RNF213: variants seen among roughly 807,000 people sequenced by gnomAD.
RNF213 encodes the protein E3 ubiquitin-protein ligase RNF213.
In RNF213, 341 loss-of-function variants were observed where a neutral mutation model predicts 514.4. That is an observed-to-expected ratio of 0.66 (90% CI 0.61 to 0.73). RNF213 has a LOEUF of 0.73. Ranked by LOEUF, RNF213 falls within the 30% of genes least tolerant of loss-of-function variation. The pLI is 0.00. For missense variants in RNF213, 5,767 were observed against 6,615.6 expected, an observed-to-expected ratio of 0.87 and a Z score of 4.45; for synonymous variants, 2,655 against 2,658.2, an observed-to-expected ratio of 1.00 and a Z score of 0.04.
intron 21 of RNF213, 175 bp from the exon 22 acceptor site, chr17:80,333,930 T>G: frequency 1.6e-6 from 1 of 637,456 alleles, no homozygotes; most frequent in Non-Finnish European, 2.7e-6. Context: ...GAAACAGCCA[T>G]GGGGGTTTGA....
In RNF213 at chr17:80,358,291, C is replaced by G; in HGVS notation, c.10866C>G (p.His3622Gln). The G allele has an allele frequency of 6.2e-7, 1 of 1,613,838 alleles. No homozygotes were observed. The highest frequency in any genetic ancestry group is 2.2e-5 in the East Asian group (1 of 44,882). ...CCATCTCTCTTCTGTGCTGCAGGCA[C>G]ACCCTCTGGAAGCGGGTCCAAGGTG... ...DALQEAGTFR[H>Q]TLWKRVQGAV... is the part of the protein sequence containing the mutation. Residue 3622 changes from histidine (H) to glutamine (Q), a missense_variant, in exon 37 of 68, where the codon CAC (histidine) becomes CAG (glutamine). Physicochemically the swap from His to Gln is conservative, Grantham distance 24. Coordinates refer to ENST00000582970, the MANE Select transcript of RNF213 (RefSeq NM_001256071.3).
intron 58 of RNF213, among the ~76,000 whole-genome samples, 155 bp from the exon 59 acceptor site, chr17:80,383,522 A>C (rs760555300): frequency 6.6e-6 from 1 of 152,156 alleles, no homozygotes; most frequent in Non-Finnish European, 1.5e-5. Context: ...ACAACACTGA[A>C]ATTAGAAGAT....
intron 18 of RNF213, among the ~76,000 whole-genome samples, chr17:80,325,682 G>A (rs2046260407): frequency 6.6e-6 from 1 of 151,382 alleles, no homozygotes; most frequent in Non-Finnish European, 1.5e-5. Context: ...TTTCCCCCCA[G>A]CCCCCCGCGC....
chr17:80,281,074 A>G (rs1048008157), intron 3 of RNF213, among the ~76,000 whole-genome samples: 2 of 139,090 alleles, frequency 1.4e-5, no homozygotes, highest in Admixed American at 7.2e-5. Flanking sequence ...AGTCACACAC[A>G]CCCCCCGCCA....
Position 80,369,501 on chromosome 17 carries a change from G to A in RNF213, c.12156-1G>A. On this transcript the variant is annotated splice_acceptor_variant, in intron 44 of 67. Coordinates refer to ENST00000582970, the MANE Select transcript of RNF213 (RefSeq NM_001256071.3). LOFTEE classifies it high-confidence loss of function. ...CTGTCTTCTGTTTCTCGTGTTCTAA[G>A]GGAAGCCATTGAAAAGCATGCCCGC... 1 of 1,613,090 alleles carries A rather than the reference G, an allele frequency of 6.2e-7. No homozygotes were observed. The highest frequency in any genetic ancestry group is 1.1e-5 in the South Asian group (1 of 91,028).
At chr17:80,309,837 G>A (rs1250730254) in intron 14 of RNF213, among the ~76,000 whole-genome samples, 1 of 151,226 alleles carries the variant, frequency 6.6e-6, no homozygotes, top group Non-Finnish European at 1.5e-5. Context: ...CTTACTGCAA[G>A]CTCCGCCTCC....
intron 26 of RNF213, among the ~76,000 whole-genome samples, chr17:80,342,536 TTCTCTCTC>T (rs147286130): frequency 2.0e-5 from 3 of 146,954 alleles, no homozygotes; most frequent in Non-Finnish European, 4.5e-5. Flanking sequence ...GACTTAATTT[TTCTCTCTC>T]TCTCTCTCTC....
At chr17:80,266,551 G>C (rs1006855988) in intron 2 of RNF213, among the ~76,000 whole-genome samples, 2 of 152,026 alleles carry the variant, frequency 1.3e-5, no homozygotes, top group East Asian at 3.9e-4. Context: ...ACCCAGGCTG[G>C]AGTGCAGTGG....
intron 2 of RNF213, among the ~76,000 whole-genome samples, chr17:80,266,482 C>G (rs1055702702): frequency 6.6e-6 from 1 of 151,322 alleles, no homozygotes; most frequent in East Asian, 2.0e-4. Flanking sequence ...AGTCTCTTGC[C>G]TCTCACTTTA....
At chr17:80,382,813 T>C (rs1321680412) in intron 57 of RNF213, 166 bp from the exon 58 acceptor site, 1 of 612,556 alleles carries the variant, frequency 1.6e-6, no homozygotes. Context: ...GGTCATTAAG[T>C]TGGTGGTAAC....
intron 3 of RNF213, among the ~76,000 whole-genome samples, chr17:80,281,072 A>C (rs574491108): frequency 6.7e-6 from 1 of 148,300 alleles, no homozygotes; most frequent in African/African-American, 2.5e-5. Context: ...CCAGTCACAC[A>C]CACCCCCCGC....
chr17:80,347,028 T>C lies in RNF213; in HGVS notation c.8693T>C (p.Ile2898Thr), dbSNP rs767822827. Reference protein sequence around the residue: ...ALDPAKMNRGIFVSRGSPNET... With the variant: ...ALDPAKMNRGTFVSRGSPNET... ...GACCCTGCCAAGATGAACCGGGGCATTTTTGTGTCACGTGGCAGCCCCAAC... is the reference window on the plus strand; with the variant it reads ...GACCCTGCCAAGATGAACCGGGGCACTTTTGTGTCACGTGGCAGCCCCAAC... Residue 2898 changes from isoleucine to threonine, a missense_variant, in exon 29 of 68, where the codon ATT (isoleucine) becomes ACT (threonine). By Grantham distance (89) the Ile-to-Thr change is moderately conservative. This residue lies in a region of RNF213 where 919 missense variants were observed against 1,121.0 expected (regional missense o/e 0.82). Transcript: ENST00000582970. This position sits in a 1 kb window ranked among gnomAD's most constrained non-coding sequence, Gnocchi z 7.2. 1.9e-6 allele frequency: 3 copies of C among 1,613,926 alleles called. No individual in the cohort carries two copies. The highest frequency in any genetic ancestry group is 2.2e-5 in the South Asian group (2 of 91,060).
chr17:80,355,451 C>CA (rs2078726655), intron 36 of RNF213, among the ~76,000 whole-genome samples: 3 of 42,052 alleles, frequency 7.1e-5, no homozygotes, highest in African/African-American at 1.1e-4. Flanking sequence ...TCGGGGCTCA[C>CA]GGAGGAAGAG....
chr17:80,354,248 G>C, intron 35 of RNF213, 82 bp downstream of exon 35: 1 of 1,537,876 alleles, frequency 6.5e-7, no homozygotes, highest in Non-Finnish European at 8.9e-7. Flanking sequence ...TGTGTGTTGG[G>C]GGACACCCTC....
chr17:80,375,152 A>G, intron 50 of RNF213: 1 of 175,662 alleles, frequency 5.7e-6, no homozygotes, highest in Non-Finnish European at 1.2e-5. Context: ...AAGACCAGTG[A>G]AGGAGTCAGA....
intron 3 of RNF213, among the ~76,000 whole-genome samples, chr17:80,275,715 G>T (rs1271969340): frequency 6.6e-6 from 1 of 151,914 alleles, no homozygotes; most frequent in African/African-American, 2.4e-5. Context: ...AGGCTGGAGT[G>T]CAGTGGCGCC....
intron 22 of RNF213, among the ~76,000 whole-genome samples, chr17:80,335,342 C>T (rs934560465): frequency 5.9e-5 from 9 of 152,084 alleles, no homozygotes; most frequent in Admixed American, 5.9e-4. Context: ...GCAGAGGAGG[C>T]AGGAGGGGCA....
chr17:80,369,394 G>C, intron 44 of RNF213, 108 bp from the exon 45 acceptor site: 1 of 967,210 alleles, frequency 1.0e-6, no homozygotes, highest in Non-Finnish European at 1.6e-6. Context: ...GTGAAACTCC[G>C]TCTCAAAAAA....
At chr17:80,295,249 G>A (rs946955108) in intron 9 of RNF213, among the ~76,000 whole-genome samples, 7 of 152,188 alleles carry the variant, frequency 4.6e-5, no homozygotes, top group African/African-American at 1.7e-4. Context: ...CTTGGAGGGA[G>A]AGTGGAAGGA....
Sources: gnomAD v4.1 joint callset for allele counts (sites outside exome capture counted in the v4.1 genomes callset) on GRCh38, gnomAD v4.1.1 for gene constraint, gnomAD v4.1.1 regional missense constraint, Gnocchi (gnomAD v3.1) non-coding constraint, MANE v1.5 for transcripts, NCBI Gene and HGNC (gene_info 2026-07-23, HGNC 2026-07-21) for gene names.